Variants in MROH7 observed in about 807,000 individuals in gnomAD.
MROH7 encodes the protein maestro heat-like repeat-containing protein family member 7.
In MROH7, 113 loss-of-function variants were observed where a neutral mutation model predicts 129.2. The ratio of observed to expected loss-of-function variants is 0.87; its 90% CI spans 0.75 to 1.02. The LOEUF is 1.02. Among genes scored for constraint, MROH7 ranks in the 50% least tolerant of loss-of-function variants. The pLI is 0.00. For missense variants in MROH7, 1,601 were observed against 1,671.3 expected (o/e 0.96, Z 0.73); for synonymous variants, 655 against 667.9 (o/e 0.98, Z 0.30).
rs546413383 is a variant in MROH7, at chr1:54,680,029, C to G, written c.2365C>G (p.Pro789Ala). The G allele has an allele frequency of 6.2e-5, 100 of 1,613,968 alleles. No homozygotes were observed. The East Asian group carries it at 1.7e-3, about 27-fold the overall frequency. ...TEVVVALLMC[P>A]LPLNSNGAEM... ...GGTTGTGGTGGCCCTGCTCATGTGC[C>G]CCCTCCCACTGAACAGGTACCAAGT... is the stretch of plus-strand genomic sequence containing the variant. The change falls in exon 13 of 24, where the codon CCC (proline) becomes GCC (alanine). Residue 789 changes from proline to alanine, a missense_variant. By Grantham distance (27) the Pro-to-Ala change is conservative (BLOSUM62 -1). Transcript: ENST00000421030.
intron 3 of MROH7, among the ~76,000 whole-genome samples, chr1:54,659,998 T>C (rs1044971445): frequency 1.2e-4 from 18 of 152,356 alleles, no homozygotes; most frequent in African/African-American, 4.3e-4. Flanking sequence ...GATACACTTA[T>C]TTATGTCAGA....
chr1:54,649,159 T>C (rs1469212559), intron 1 of MROH7, among the ~76,000 whole-genome samples: 1 of 152,192 alleles, frequency 6.6e-6, no homozygotes, highest in African/African-American at 2.4e-5. Flanking sequence ...CTGGACAATC[T>C]ATTGATAGTT....
Position 54,679,382 on chromosome 1 carries a change from C to T in MROH7, c.2169C>T (p.Ala723=). Residue 723 remains alanine, a synonymous_variant, in exon 12 of 24, where the codon GCC becomes GCT. Coordinates refer to ENST00000421030, the MANE Select transcript of MROH7 (RefSeq NM_001039464.4). The part of the protein sequence containing the change: ...GKDSREMMQL[A]SEVMLSSVLE... ...ACTCCAGGGAGATGATGCAGCTGGC[C>T]TCGGAGGTCATGCTCAGCTCGGTGC... 1 of 1,614,120 alleles carries T rather than the reference C, an allele frequency of 6.2e-7. No homozygotes were observed. The highest frequency in any genetic ancestry group is 1.1e-5 in the South Asian group (1 of 91,088).
Position 54,679,301 on chromosome 1 carries a change from C to T in MROH7, c.2088C>T (p.Asp696=), listed in dbSNP as rs1436568836. The change falls in exon 12 of 24, where the codon GAC becomes GAT. Residue 696 remains aspartate (D), a synonymous_variant. Coordinates refer to ENST00000421030, the MANE Select transcript of MROH7 (RefSeq NM_001039464.4). ...TCCTGGGGCCCCAGCAGATAAAGGACCTGCTGCTGGCCGCCCTGGAAGGGC... is the reference window on the plus strand; with the variant it reads ...TCCTGGGGCCCCAGCAGATAAAGGATCTGCTGCTGGCCGCCCTGGAAGGGC... ...GDFLGPQQIK[D]LLLAALEGLK... 1.2e-6 allele frequency: 2 copies of T among 1,614,184 alleles called. No homozygotes were observed. The highest frequency in any genetic ancestry group is 2.2e-5 in the East Asian group (1 of 44,872).
rs552292902 is a variant in MROH7, at chr1:54,698,008, C to T, written c.2965-2313C>T. Reference sequence around the variant, plus strand: ...CCCAGGTTCAGTCTTTTCCACCTCCCCAGAAGAGGTGTCTGCTCCTGGCCA... The same window carrying T: ...CCCAGGTTCAGTCTTTTCCACCTCCTCAGAAGAGGTGTCTGCTCCTGGCCA... On this transcript the variant is annotated intron_variant, in intron 17 of 23. Transcript: ENST00000421030. 1.3e-5 allele frequency: 4 copies of T among 299,446 alleles called. No individual in the cohort carries two copies. The South Asian group carries it at 4.6e-4, about 34-fold the overall frequency. The allele number at this position is 299,446 out of a possible 1,614,324, so 18.5% of individuals were successfully genotyped here.
intron 3 of MROH7, among the ~76,000 whole-genome samples, chr1:54,661,826 C>A (rs1418224914): frequency 6.6e-6 from 1 of 152,066 alleles, no homozygotes; most frequent in Non-Finnish European, 1.5e-5. Context: ...GAACTCCTGA[C>A]CTCAGGTGAC....
intron 10 of MROH7, among the ~76,000 whole-genome samples, chr1:54,676,819 C>T (rs1644989471): frequency 6.6e-6 from 1 of 152,044 alleles, no homozygotes; most frequent in South Asian, 2.1e-4. Flanking sequence ...AGAGATTCTC[C>T]TGCCTTAGCC....
Position 54,679,454 on chromosome 1 carries a change from G to A in MROH7, c.2226+15G>A. ...CGCTGGAGGTGGTAAGGCCTCCTGG[G>A]GGCAGGGAGTGAACTGTCACTGGGG... is the stretch of plus-strand genomic sequence containing the variant. On this transcript the variant is annotated intron_variant, in intron 12 of 23. Transcript: ENST00000421030. The A allele has an allele frequency of 1.2e-6, 2 of 1,608,748 alleles. No individual in the cohort carries two copies. The highest frequency in any genetic ancestry group is 1.7e-6 in the Non-Finnish European group (2 of 1,176,678).
intron 4 of MROH7, among the ~76,000 whole-genome samples, chr1:54,667,305 A>C (rs753055559): frequency 2.0e-5 from 3 of 152,058 alleles, no homozygotes; most frequent in African/African-American, 7.2e-5. Context: ...TTAACAAACC[A>C]CCCCAGAATT....
At chr1:54,670,403 T>C in intron 5 of MROH7, 94 bp from the exon 6 acceptor site, 2 of 1,035,148 alleles carry the variant, frequency 1.9e-6, no homozygotes, top group Non-Finnish European at 2.9e-6. Flanking sequence ...GTATGCTGGC[T>C]GCTGTGACCT....
At chr1:54,699,119 T>TTTCTTTCTTTCTTTC (rs1645375642) in intron 17 of MROH7, 1 of 86,712 alleles carries the variant, frequency 1.2e-5, no homozygotes, top group African/African-American at 4.3e-5. Context: ...TCTTTCTTTC[T>TTTCTTTCTTTCTTTC]TTCTTTCTTT....
chr1:54,650,725 G>C (rs561840490), intron 1 of MROH7, among the ~76,000 whole-genome samples: 74 of 144,562 alleles, frequency 5.1e-4, no homozygotes, highest in African/African-American at 1.9e-3. Flanking sequence ...TCGCCATCCC[G>C]ATTTTTTTTT....
chr1:54,673,161 C>T lies in MROH7; in HGVS notation c.1670C>T (p.Pro557Leu). The T allele has an allele frequency of 6.2e-7, 1 of 1,613,748 alleles. No individual in the cohort carries two copies. ...LKALFIEDPT[P>L]AGLKSILEAL... The stretch of plus-strand genomic sequence containing the variant: ...GCCCTCTTTATCGAGGACCCCACTC[C>T]TGCTGGGCTGAAGAGCATCTTGGAG... Residue 557 changes from proline to leucine, a missense_variant, in exon 8 of 24, where the codon CCT (proline) becomes CTT (leucine). Coordinates refer to ENST00000421030, the MANE Select transcript of MROH7 (RefSeq NM_001039464.4).
Position 54,652,896 on chromosome 1 carries a change from G to T in MROH7, c.-31G>T. ...ACAGTTGGCTGTTGGAGAGAAGCGG[G>T]CACTGGCATTGAGAGACCTCCAGAC... On this transcript the variant is annotated 5_prime_UTR_variant, in exon 3 of 24. Coordinates refer to ENST00000421030, the MANE Select transcript of MROH7 (RefSeq NM_001039464.4). The T allele has an allele frequency of 6.5e-7, 1 of 1,531,586 alleles. No individual in the cohort carries two copies. The highest frequency in any genetic ancestry group is 1.4e-5 in the African/African-American group (1 of 72,082). The allele number at this position is 1,531,586 out of a possible 1,614,324, so 94.9% of individuals were successfully genotyped here. A position where few individuals can be genotyped will look rare whatever the true frequency, so the allele number is the denominator to read the frequency against.
At chr1:54,690,624 T>A (rs1481002140) in intron 15 of MROH7, among the ~76,000 whole-genome samples, 5 of 152,050 alleles carry the variant, frequency 3.3e-5, no homozygotes, top group Non-Finnish European at 7.4e-5. Flanking sequence ...TTTGTATTTT[T>A]AGTAGAGACA....
In MROH7 at chr1:54,699,187, C is replaced by CTTTCTTTCTTTCTCTTTCTT. The variant is rs1553176969; in HGVS notation, c.2965-1133_2965-1132insTTCTTTCTTTCTCTTTCTTT. ...TCTTTCTTTCTTTCTTTCTTTCTTT[C>CTTTCTTTCTTTCTCTTTCTT]TCTTTCTTTCTTTCTTTCTCTCCCT... On this transcript the variant is annotated intron_variant, in intron 17 of 23. Coordinates refer to ENST00000421030, the MANE Select transcript of MROH7 (RefSeq NM_001039464.4). 6 of 75,950 alleles carry CTTTCTTTCTTTCTCTTTCTT rather than the reference C, an allele frequency of 7.9e-5. 1 individual carries two copies. Among genetic ancestry groups the CTTTCTTTCTTTCTCTTTCTT allele is most frequent in the African/African-American group, 3.2e-4 (6 of 18,798 alleles). 4.7% of individuals were successfully genotyped at this position (75,950 alleles called of 1,614,324 possible).
chr1:54,652,513 T>A (rs1322735812), intron 2 of MROH7, among the ~76,000 whole-genome samples: 1 of 152,240 alleles, frequency 6.6e-6, no homozygotes. Flanking sequence ...TAGCAAGAGC[T>A]AGAACACTAA....
chr1:54,650,705 T>C (rs1025969929), intron 1 of MROH7, among the ~76,000 whole-genome samples: 1 of 151,668 alleles, frequency 6.6e-6, no homozygotes, highest in African/African-American at 2.4e-5. Flanking sequence ...TTTCTCCCTA[T>C]GCATGTTGAT....
chr1:54,672,937 A>T (rs1237486623), intron 7 of MROH7, among the ~76,000 whole-genome samples, 154 bp from the exon 8 acceptor site: 4 of 152,094 alleles, frequency 2.6e-5, no homozygotes, highest in Non-Finnish European at 4.4e-5. Context: ...AATTTGCCCA[A>T]CATTACACAT....
Sources: gnomAD v4.1 joint callset for allele counts (sites outside exome capture counted in the v4.1 genomes callset) on GRCh38, gnomAD v4.1.1 for gene constraint, MANE v1.5 for transcripts, NCBI Gene and HGNC (gene_info 2026-07-23, HGNC 2026-07-21) for gene names.